TRIQK: variants seen among roughly 807,000 people sequenced by gnomAD.
TRIQK encodes triple QxxK/R motif-containing protein.
In TRIQK, 10 loss-of-function variants were observed where a neutral mutation model predicts 10.8. That is an observed-to-expected ratio of 0.92 (90% CI 0.57 to 1.57). The LOEUF (loss-of-function observed/expected upper bound fraction) is 1.57. Among genes scored for constraint, TRIQK ranks in the 40% most tolerant of loss-of-function variants. The probability of loss-of-function intolerance (pLI) is 0.00; values close to 1 mark genes in which losing one functional copy is unlikely to be tolerated. For synonymous variants in TRIQK, 33 were observed against 33.7 expected (o/e 0.98, Z 0.07); for missense variants, 107 against 97.7 (o/e 1.09, Z -0.40).
At chr8:92,977,345 T>C (rs1812943624) in intron 1 of TRIQK, among the ~76,000 whole-genome samples, 1 of 152,068 alleles carries the variant, frequency 6.6e-6, no homozygotes, top group Admixed American at 6.6e-5. Context: ...GGCTACTTGG[T>C]ATGTTCATAC....
At chr8:92,970,300 T>G (rs2130736766), upstream of TRIQK, among the ~76,000 whole-genome samples, 1 of 152,316 alleles carries the variant, frequency 6.6e-6, no homozygotes, top group South Asian at 2.1e-4. Context: ...TTCCTTTGGG[T>G]ATATACCAAG....
intron 1 of TRIQK, among the ~76,000 whole-genome samples, chr8:92,971,625 A>ACTGCT (rs1007298683): frequency 6.6e-6 from 1 of 152,224 alleles, no homozygotes; most frequent in Non-Finnish European, 1.5e-5. Flanking sequence ...ACTACAAACC[A>ACTGCT]CTGCTCAAGG....
intron 2 of TRIQK, among the ~76,000 whole-genome samples, chr8:92,919,879 C>G (rs186280470): frequency 6.6e-6 from 1 of 151,652 alleles, no homozygotes; most frequent in Admixed American, 6.6e-5. Flanking sequence ...TTTATATGCC[C>G]AGGAATGTAT....
intron 3 of TRIQK, among the ~76,000 whole-genome samples, chr8:92,897,972 G>A (rs1808696992): frequency 6.6e-6 from 1 of 151,968 alleles, no homozygotes; most frequent in Non-Finnish European, 1.5e-5. Context: ...ATATAGCCCT[G>A]CTCGTGCACA....
chr8:92,930,835 G>T lies in TRIQK; in HGVS notation c.-21-13825C>A, dbSNP rs556354567. ...AATTAAATAAAACTCAAGATTGTTTGAATTATCACAGGAATAAAAAAACTT... is the reference window on the plus strand; with the variant it reads ...AATTAAATAAAACTCAAGATTGTTTTAATTATCACAGGAATAAAAAAACTT... On this transcript the variant is annotated intron_variant, in intron 2 of 4. Coordinates refer to ENST00000521988, the MANE Select transcript of TRIQK (RefSeq NM_001171797.2). Among the ~76,000 whole-genome samples, 4 of 152,146 alleles carry T rather than the reference G, an allele frequency of 2.6e-5. No individual in the cohort carries two copies. The South Asian group carries it at 8.3e-4, about 32-fold the overall frequency.
chr8:92,902,126 C>T (rs1177967857), intron 3 of TRIQK, among the ~76,000 whole-genome samples: 12 of 152,106 alleles, frequency 7.9e-5, no homozygotes, highest in East Asian at 1.9e-4. Context: ...CCACTGGTTC[C>T]GAGCCCAGCA....
intron 2 of TRIQK, among the ~76,000 whole-genome samples, chr8:92,940,479 C>T (rs1296372570): frequency 1.3e-5 from 2 of 151,944 alleles, no homozygotes; most frequent in African/African-American, 4.8e-5. Context: ...AGTAGCTATA[C>T]TTATATCAAA....
At chr8:93,003,585 C>A (rs1238913101) in intron 1 of TRIQK, among the ~76,000 whole-genome samples, 1 of 152,114 alleles carries the variant, frequency 6.6e-6, no homozygotes, top group South Asian at 2.1e-4. Context: ...TTTCACAACA[C>A]AATCAGGCCT....
intron 1 of TRIQK, among the ~76,000 whole-genome samples, chr8:93,014,534 G>A (rs1186824077): frequency 2.0e-5 from 3 of 151,946 alleles, no homozygotes; most frequent in Non-Finnish European, 4.4e-5. Flanking sequence ...TACTGGTTTT[G>A]GTTTTTTGGT....
chr8:92,920,549 A>G (rs1810123689), intron 2 of TRIQK, among the ~76,000 whole-genome samples: 2 of 151,608 alleles, frequency 1.3e-5, no homozygotes, highest in Admixed American at 1.3e-4. Flanking sequence ...AAAAAAAGAG[A>G]GAGAGAGACA....
intron 2 of TRIQK, among the ~76,000 whole-genome samples, chr8:92,924,881 T>C (rs1386570529): frequency 2.0e-5 from 3 of 152,042 alleles, no homozygotes; most frequent in Non-Finnish European, 4.4e-5. Context: ...ACAGTTGTTA[T>C]TCTAAAGTTT....
At chr8:92,939,171 T>C (rs1452027483) in intron 2 of TRIQK, among the ~76,000 whole-genome samples, 1 of 152,108 alleles carries the variant, frequency 6.6e-6, no homozygotes, top group Non-Finnish European at 1.5e-5. Flanking sequence ...TTTACTTAAG[T>C]TTTTTCTAGG....
At chr8:92,899,913 C>G (rs992669747) in intron 3 of TRIQK, among the ~76,000 whole-genome samples, 1 of 135,568 alleles carries the variant, frequency 7.4e-6, no homozygotes, top group Non-Finnish European at 1.6e-5. Flanking sequence ...CACCAGCATT[C>G]GTTCTTGCAC....
chr8:92,895,173 C>T (rs1205223146), intron 3 of TRIQK, among the ~76,000 whole-genome samples: 1 of 152,246 alleles, frequency 6.6e-6, no homozygotes, highest in African/African-American at 2.4e-5. Flanking sequence ...GGCCCTTCTG[C>T]CTTCCACCAT....
rs561530218 is a variant in TRIQK at position 92,890,255 on chromosome 8, C to T, written c.147+1734G>A. 9.9e-5 allele frequency among the ~76,000 whole-genome samples: 15 copies of T among 151,812 alleles called. 1 individual carries two copies. The highest frequency in any genetic ancestry group is 9.9e-4 in the Admixed American group (15 of 15,184). ...TCAAGGTTCTGATTCTAAAAAGTTT[C>T]ATATCATCTTAATAGGCTCTCCACA... is the stretch of plus-strand genomic sequence containing the variant. On this transcript the variant is annotated intron_variant, in intron 4 of 4. Coordinates refer to ENST00000521988, the MANE Select transcript of TRIQK (RefSeq NM_001171797.2).
At chr8:92,927,604 G>A (rs1810508884) in intron 2 of TRIQK, among the ~76,000 whole-genome samples, 2 of 152,258 alleles carry the variant, frequency 1.3e-5, no homozygotes, top group South Asian at 4.1e-4. Flanking sequence ...GACTGAAGTG[G>A]TAGGAAAACA....
At chr8:92,912,893 A>G (rs1809642385) in intron 3 of TRIQK, among the ~76,000 whole-genome samples, 1 of 152,018 alleles carries the variant, frequency 6.6e-6, no homozygotes, top group Non-Finnish European at 1.5e-5. Flanking sequence ...AAACATTAAA[A>G]AAAAATCCTT....
rs368559660 is a variant in TRIQK, at chr8:92,898,536, G to A, written c.62-6462C>T. Among the ~76,000 whole-genome samples the A allele has an allele frequency of 1.4e-4, 21 of 151,988 alleles. 2 individuals are homozygous for A. The highest frequency in any genetic ancestry group is 1.4e-3 in the East Asian group (7 of 5,152). On this transcript the variant is annotated intron_variant, in intron 3 of 4. Transcript: ENST00000521988. ...GATAGTTTTCACCAGTGTTCTCACTGGCTTTATATAAAAGCAGATTTTCAG... is the reference window on the plus strand; with the variant it reads ...GATAGTTTTCACCAGTGTTCTCACTAGCTTTATATAAAAGCAGATTTTCAG...
chr8:92,970,139 CT>C (rs1226274540), upstream of TRIQK, among the ~76,000 whole-genome samples: 1 of 152,160 alleles, frequency 6.6e-6, no homozygotes, highest in Non-Finnish European at 1.5e-5. Flanking sequence ...CTTTTTATGG[CT>C]GCATAGTATT....
Sources: allele counts gnomAD v4.1 joint callset (sites outside exome capture counted in the v4.1 genomes callset), GRCh38; gene constraint gnomAD v4.1.1; transcripts MANE v1.5; gene names NCBI Gene and HGNC (gene_info 2026-07-23, HGNC 2026-07-21).